The following DLGAP2 variants were observed in gnomAD, a reference collection of about 807,000 sequenced individuals.
DLGAP2 encodes DLG associated protein 2.
A neutral mutation model predicts 100.3 loss-of-function variants in DLGAP2; 26 were observed. That is an observed-to-expected ratio of 0.26 (90% CI 0.19 to 0.36). The LOEUF (loss-of-function observed/expected upper bound fraction) is 0.36. DLGAP2 is among the 10% of genes least tolerant of loss of function. DLGAP2 has a pLI of 1.00. For synonymous variants in DLGAP2, 886 were observed against 630.1 expected, an observed-to-expected ratio of 1.41 and a Z score of -6.08; for missense variants, 1,858 against 1,453.2, an observed-to-expected ratio of 1.28 and a Z score of -4.53.
chr8:1,289,384 C>A (rs1800009819), intron 3 of DLGAP2, among the ~76,000 whole-genome samples: 5 of 152,220 alleles, frequency 3.3e-5, no homozygotes, highest in Admixed American at 3.3e-4. Flanking sequence ...AGGGTTGCCA[C>A]CTCAATTCCA....
At chr8:1,317,806 C>T (rs141055167) in intron 3 of DLGAP2, among the ~76,000 whole-genome samples, 4,423 of 103,714 alleles carry the variant, frequency 0.043, 676 homozygotes, top group East Asian at 0.079. Context: ...AAAAATAGAG[C>T]GTGTGCGAGT....
intron 2 of DLGAP2, among the ~76,000 whole-genome samples, chr8:1,241,114 C>T: frequency 8.3e-6 from 1 of 120,376 alleles, no homozygotes; most frequent in East Asian, 2.5e-4. Context: ...GTGTCTGGTT[C>T]TCTCGCATGG....
intron 2 of DLGAP2, among the ~76,000 whole-genome samples, chr8:949,419 G>C (rs564103686): frequency 6.6e-6 from 1 of 152,226 alleles, no homozygotes; most frequent in East Asian, 1.9e-4. Flanking sequence ...GAGTGAATGC[G>C]GATCCAGGAG....
intron 2 of DLGAP2, among the ~76,000 whole-genome samples, chr8:1,175,006 TA>T (rs1797223254): frequency 6.6e-6 from 1 of 152,134 alleles, no homozygotes; most frequent in Non-Finnish European, 1.5e-5. Context: ...TATTTCCCTA[TA>T]AAAGTAGTCA....
intron 1 of DLGAP2, among the ~76,000 whole-genome samples, chr8:780,521 A>G (rs770699698): frequency 1.8e-4 from 28 of 152,010 alleles, no homozygotes; most frequent in Non-Finnish European, 2.9e-4. Context: ...TGCTAGCTCT[A>G]CTTTGGTTTT....
chr8:854,598 C>T (rs929228214), intron 1 of DLGAP2, among the ~76,000 whole-genome samples: 1 of 148,060 alleles, frequency 6.8e-6, no homozygotes, highest in Non-Finnish European at 1.5e-5. Flanking sequence ...GTTGTATGTG[C>T]ATGCATGTGT....
At chr8:1,670,415 C>A (rs1585049057) in intron 10 of DLGAP2, among the ~76,000 whole-genome samples, 1 of 152,194 alleles carries the variant, frequency 6.6e-6, no homozygotes, top group South Asian at 2.1e-4. Context: ...TTCTCCTCAT[C>A]CCCCCAGCTT....
intron 2 of DLGAP2, among the ~76,000 whole-genome samples, chr8:1,213,825 G>C (rs1005347486): frequency 6.6e-6 from 1 of 152,178 alleles, no homozygotes; most frequent in Non-Finnish European, 1.5e-5. Context: ...GCTGCCTCCT[G>C]ACCTGGTCTG....
chr8:846,200 A>G (rs988050059), intron 1 of DLGAP2, among the ~76,000 whole-genome samples: 4 of 152,228 alleles, frequency 2.6e-5, no homozygotes, highest in African/African-American at 9.6e-5. Context: ...TGTTAACTCC[A>G]GTCATTCCAC....
intron 1 of DLGAP2, among the ~76,000 whole-genome samples, chr8:818,179 G>C (rs1337302930): frequency 6.6e-6 from 1 of 152,168 alleles, no homozygotes; most frequent in Non-Finnish European, 1.5e-5. Flanking sequence ...GGCTGCAGCT[G>C]CTGTGGGGGA....
At chr8:871,263 C>G (rs1387584696) in intron 1 of DLGAP2, among the ~76,000 whole-genome samples, 2 of 152,172 alleles carry the variant, frequency 1.3e-5, no homozygotes, top group East Asian at 3.9e-4. Context: ...AGTGTCCACA[C>G]CTGAATTAAT....
At chr8:1,203,022 C>A (rs57281145) in intron 2 of DLGAP2, among the ~76,000 whole-genome samples, 1 of 152,002 alleles carries the variant, frequency 6.6e-6, no homozygotes, top group South Asian at 2.1e-4. Flanking sequence ...CCCCATCCAT[C>A]TGCCGGGCAC....
In DLGAP2 at chr8:1,704,513, G is replaced by T. The variant is rs192383386; in HGVS notation, c.*3107G>T. 1 of 152,208 alleles carries T rather than the reference G, an allele frequency of 6.6e-6. No homozygotes were observed. Among genetic ancestry groups the T allele is most frequent in the Non-Finnish European group, 1.5e-5 (1 of 68,042 alleles). The allele number at this position is 152,208 out of a possible 1,614,324, so 9.4% of individuals were successfully genotyped here. ...TGTGATGCGTCTCTCGCATCTTCAC[G>T]TGTTGTTGTGTTTGAAGTAAAACTA... On this transcript the variant is annotated 3_prime_UTR_variant, in exon 15 of 15. Transcript: ENST00000637795.
Position 1,676,623 on chromosome 8 carries a change from C to T in DLGAP2, c.2288+5C>T. The T allele has an allele frequency of 1.2e-6, 2 of 1,610,764 alleles. No individual in the cohort carries two copies. The highest frequency in any genetic ancestry group is 2.2e-5 in the South Asian group (2 of 90,198). The stretch of plus-strand genomic sequence containing the variant: ...GCAAGTGGAAGATGAGAAGCGGTAA[C>T]TCAGCCCCTCCTGACACGCGGTGAC... On this transcript the variant is annotated splice_donor_5th_base_variant and intron_variant, in intron 11 of 14. Coordinates refer to ENST00000637795, the MANE Select transcript of DLGAP2 (RefSeq NM_001346810.2).
chr8:1,279,274 A>G (rs1799767972), intron 3 of DLGAP2, among the ~76,000 whole-genome samples: 1 of 152,160 alleles, frequency 6.6e-6, no homozygotes, highest in African/African-American at 2.4e-5. Flanking sequence ...TCTTGATTCT[A>G]TGTTCTAGAA....
intron 6 of DLGAP2, chr8:1,621,836 A>T (rs1213482482): frequency 2.6e-5 from 4 of 151,914 alleles, no homozygotes; most frequent in Non-Finnish European, 5.9e-5. Flanking sequence ...GAGCCCAGAG[A>T]TGGGTTGTCG....
At chr8:898,778 CTTGTGAGTTT>C (rs1053024930) in intron 1 of DLGAP2, among the ~76,000 whole-genome samples, 8 of 152,198 alleles carry the variant, frequency 5.3e-5, no homozygotes, top group Admixed American at 3.9e-4. Context: ...TCTTCTGGTG[CTTGTGAGTTT>C]TTGCCTTGGT....
chr8:1,498,056 G>C (rs1799601579), intron 3 of DLGAP2, among the ~76,000 whole-genome samples: 1 of 152,176 alleles, frequency 6.6e-6, no homozygotes, highest in Non-Finnish European at 1.5e-5. Context: ...GGTCTGGAAA[G>C]GCAGGACAAC....
intron 2 of DLGAP2, among the ~76,000 whole-genome samples, chr8:917,534 A>G (rs1017224678): frequency 1.3e-5 from 2 of 151,912 alleles, no homozygotes; most frequent in African/African-American, 2.4e-5. Flanking sequence ...TACTGCACCC[A>G]GACTGATTCT....
Sources: allele counts gnomAD v4.1 joint callset (sites outside exome capture counted in the v4.1 genomes callset), GRCh38; gene constraint gnomAD v4.1.1; transcripts MANE v1.5; gene names NCBI Gene and HGNC (gene_info 2026-07-23, HGNC 2026-07-21).